Variants in PTPN14 observed in about 807,000 individuals in gnomAD.
PTPN14 encodes protein tyrosine phosphatase non-receptor type 14, also known as tyrosine-protein phosphatase non-receptor type 14.
In PTPN14, 53 loss-of-function variants were observed where a neutral mutation model predicts 126.8. The observed-to-expected ratio is 0.42, with a 90% CI of 0.34 to 0.53. The LOEUF is 0.53. Ranked by LOEUF, PTPN14 falls within the 20% of genes least tolerant of loss-of-function variation. The probability of loss-of-function intolerance (pLI) is 0.08; values close to 1 mark genes in which losing one functional copy is unlikely to be tolerated. For missense variants in PTPN14, 1,257 were observed against 1,552.9 expected (o/e 0.81, Z 3.20); for synonymous variants, 630 against 599.3 (o/e 1.05, Z -0.75).
At chr1:214,451,197 G>T (rs1269665671) in intron 3 of PTPN14, among the ~76,000 whole-genome samples, 1 of 152,110 alleles carries the variant, frequency 6.6e-6, no homozygotes, top group Non-Finnish European at 1.5e-5. Context: ...GTCTCAGTCT[G>T]TTGCCCAGGC....
At chr1:214,495,508 G>C (rs760713278) in intron 1 of PTPN14, among the ~76,000 whole-genome samples, 1 of 152,086 alleles carries the variant, frequency 6.6e-6, no homozygotes, top group South Asian at 2.1e-4. Flanking sequence ...ATAACAATTG[G>C]TCAGAAAATC....
intron 1 of PTPN14, among the ~76,000 whole-genome samples, chr1:214,546,999 C>G (rs1252465381): frequency 6.6e-6 from 1 of 152,126 alleles, no homozygotes; most frequent in African/African-American, 2.4e-5. Context: ...GTTAATATGT[C>G]ATTTATAACC....
chr1:214,510,920 T>C (rs1344274116), intron 1 of PTPN14, among the ~76,000 whole-genome samples: 4 of 152,124 alleles, frequency 2.6e-5, no homozygotes. Flanking sequence ...CTCTGTCACC[T>C]AGGCTGAAGT....
chr1:214,464,596 C>T (rs369865001), intron 2 of PTPN14, 34 bp downstream of exon 2: 59 of 1,604,436 alleles, frequency 3.7e-5, no homozygotes, highest in Middle Eastern at 1.7e-4. Context: ...CACGCATGCA[C>T]GCGCACATGC....
At chr1:214,499,648 G>A (rs1654631433) in intron 1 of PTPN14, among the ~76,000 whole-genome samples, 1 of 152,084 alleles carries the variant, frequency 6.6e-6, no homozygotes, top group Admixed American at 6.5e-5. Context: ...CACTTTACAT[G>A]GTAAAACTAT....
At position 214,483,000 on chromosome 1, in the gene PTPN14, A is replaced by T; in HGVS notation, c.-154-18043T>A. 13 of 1,520,720 alleles carry T rather than the reference A, an allele frequency of 8.5e-6. No homozygotes were observed. In the South Asian group the frequency reaches 1.5e-4, roughly 17 times the overall value. The allele number at this position is 1,520,720 out of a possible 1,614,324, so 94.2% of individuals were successfully genotyped here. A position where few individuals can be genotyped will look rare whatever the true frequency, so the allele number is the denominator to read the frequency against. On this transcript the variant is annotated intron_variant, in intron 1 of 18. Transcript: ENST00000366956. Reference sequence around the variant, plus strand: ...AACAATCTCATTCATGTTTGTCTCCAATACCATTCCCCCCATACTATTTCT... The same window carrying T: ...AACAATCTCATTCATGTTTGTCTCCTATACCATTCCCCCCATACTATTTCT...
intron 2 of PTPN14, among the ~76,000 whole-genome samples, chr1:214,453,240 T>A (rs6656559): frequency 0.28 from 42,179 of 152,198 alleles, 6,845 homozygotes; most frequent in Non-Finnish European, 0.36. Context: ...TATATTTCTA[T>A]CAACTTAGAC....
rs553939866 is a variant in PTPN14, at chr1:214,377,642, C to T, written c.2688+317G>A. ...ATTCAGAGCTACTGCAAGTGTTTAA[C>T]TTGTGCATTTTACAAAACAGGAAGT... On this transcript the variant is annotated intron_variant, in intron 14 of 18. Transcript: ENST00000366956. Among the ~76,000 whole-genome samples the T allele has an allele frequency of 1.2e-4, 18 of 152,222 alleles. No individual in the cohort carries two copies. In the South Asian group the frequency reaches 1.2e-3, roughly 11 times the overall value.
intron 1 of PTPN14, among the ~76,000 whole-genome samples, chr1:214,541,754 T>C (rs1655842510): frequency 6.6e-6 from 1 of 152,222 alleles, no homozygotes; most frequent in African/African-American, 2.4e-5. Context: ...TAAGAATATA[T>C]ACATATGTAT....
At chr1:214,375,425 C>T (rs1437316349) in intron 15 of PTPN14, among the ~76,000 whole-genome samples, 1 of 152,176 alleles carries the variant, frequency 6.6e-6, no homozygotes, top group Non-Finnish European at 1.5e-5. Context: ...CTGGCTTTAA[C>T]ATTAATAGAT....
chr1:214,413,649 T>G (rs910838391), intron 4 of PTPN14, among the ~76,000 whole-genome samples: 5 of 152,212 alleles, frequency 3.3e-5, no homozygotes, highest in African/African-American at 1.2e-4. Flanking sequence ...TACCATCTTC[T>G]TGCTTTTTTA....
At chr1:214,505,606 T>C (rs1384013600) in intron 1 of PTPN14, among the ~76,000 whole-genome samples, 1 of 152,182 alleles carries the variant, frequency 6.6e-6, no homozygotes, top group Non-Finnish European at 1.5e-5. Context: ...TTTTTCTTAA[T>C]AGTTTGCAGC....
At chr1:214,482,081 C>T (rs1364529879) in intron 1 of PTPN14, among the ~76,000 whole-genome samples, 1 of 151,428 alleles carries the variant, frequency 6.6e-6, no homozygotes, top group Admixed American at 6.6e-5. Flanking sequence ...CTGATTTGGA[C>T]ACACAAAAAA....
intron 1 of PTPN14, chr1:214,532,675 A>G (rs1655584237): frequency 4.8e-6 from 4 of 828,802 alleles, no homozygotes; most frequent in Non-Finnish European, 8.5e-6. Context: ...TGATGACTTT[A>G]GAGTCAAGTA....
intron 3 of PTPN14, among the ~76,000 whole-genome samples, chr1:214,424,998 C>T (rs528484031): frequency 8.8e-4 from 134 of 151,932 alleles, no homozygotes; most frequent in Middle Eastern, 3.4e-3. Context: ...GGTTATGCCA[C>T]GTTGGCCAGG....
At chr1:214,417,570 G>C (rs1033588344) in intron 3 of PTPN14, among the ~76,000 whole-genome samples, 1 of 152,152 alleles carries the variant, frequency 6.6e-6, no homozygotes, top group Non-Finnish European at 1.5e-5. Flanking sequence ...CAAAATTATA[G>C]CCCATAACAA....
intron 1 of PTPN14, among the ~76,000 whole-genome samples, chr1:214,550,409 T>C (rs1284344769): frequency 6.6e-6 from 1 of 151,958 alleles, no homozygotes; most frequent in East Asian, 1.9e-4. Flanking sequence ...GATGAGAAGG[T>C]TGGAGAACAA....
intron 1 of PTPN14, among the ~76,000 whole-genome samples, chr1:214,514,715 G>A (rs1655058733): frequency 6.6e-6 from 1 of 152,068 alleles, no homozygotes; most frequent in South Asian, 2.1e-4. Flanking sequence ...ATCCAAACAA[G>A]CCTTCACCCC....
chr1:214,525,922 A>G (rs1355276139), intron 1 of PTPN14, among the ~76,000 whole-genome samples: 1 of 151,126 alleles, frequency 6.6e-6, no homozygotes, highest in Non-Finnish European at 1.5e-5. Context: ...GTTTCATCTT[A>G]CATGGCCTAA....
Sources: allele counts gnomAD v4.1 joint callset (sites outside exome capture counted in the v4.1 genomes callset), GRCh38; gene constraint gnomAD v4.1.1; transcripts MANE v1.5; gene names NCBI Gene and HGNC (gene_info 2026-07-23, HGNC 2026-07-21).